Variants in PCDHGA6 observed in about 807,000 individuals in gnomAD.
PCDHGA6 encodes the protein protocadherin gamma-A6.
PCDHGA6 carries 41 observed loss-of-function variants against 60.6 expected under a neutral mutation model. The observed-to-expected ratio is 0.68, with a 90% CI of 0.53 to 0.88. The LOEUF (loss-of-function observed/expected upper bound fraction) is 0.88. Among genes scored for constraint, PCDHGA6 ranks in the 40% least tolerant of loss-of-function variants. The pLI, the probability that PCDHGA6 is intolerant of heterozygous loss-of-function variation, is 0.00. For missense variants in PCDHGA6, 1,312 were observed against 1,203.0 expected (o/e 1.09, Z -1.34); for synonymous variants, 594 against 524.4 (o/e 1.13, Z -1.81).
chr5:141,385,241 G>A lies in PCDHGA6; in HGVS notation c.2424+8734G>A, dbSNP rs749708848. ...CCCAACTATGTAGACATGCTCATCA[G>A]CCAGGAGAGCTGTGAGAAAAATGAT... On this transcript the variant is annotated intron_variant, in intron 1 of 3. Transcript: ENST00000517434. 9 of 1,613,904 alleles carry A rather than the reference G, an allele frequency of 5.6e-6. No homozygotes were observed. The Admixed American group carries it at 1.5e-4, about 27-fold the overall frequency.
At chr5:141,427,869 AC>A in intron 1 of PCDHGA6, 1 of 1,559,604 alleles carries the variant, frequency 6.4e-7, no homozygotes, top group Non-Finnish European at 8.8e-7. Context: ...CTTCGAGCTC[AC>A]GATGCAGGCC....
chr5:141,390,528 G>T (rs1438036547), intron 1 of PCDHGA6: 1 of 537,820 alleles, frequency 1.9e-6, no homozygotes, highest in Non-Finnish European at 3.3e-6. Context: ...TGAGGGTGTG[G>T]TTTTAACCAC....
rs111458813 is a variant in PCDHGA6 at position 141,483,648 on chromosome 5, TTG to T, written c.2425-11139_2425-11138del. Among the ~76,000 whole-genome samples, 82 of 149,502 alleles carry T rather than the reference TTG, an allele frequency of 5.5e-4. 1 individual carries two copies. The highest frequency in any genetic ancestry group is 2.5e-3 in the Admixed American group (37 of 14,990). Reference sequence around the variant, plus strand: ...GGAGAAGGTATAGAGGGGTGTGTGTTTGTGTGTGTGTGTGTGTGTGTAAAAGA... The same window carrying T: ...GGAGAAGGTATAGAGGGGTGTGTGTTTGTGTGTGTGTGTGTGTGTAAAAGA... On this transcript the variant is annotated intron_variant, in intron 1 of 3. Transcript: ENST00000517434.
intron 1 of PCDHGA6, chr5:141,385,358 T>G: frequency 6.5e-7 from 1 of 1,546,418 alleles, no homozygotes; most frequent in South Asian, 1.3e-5. Context: ...CCATGAGGAA[T>G]TTATTTGCAT....
At chr5:141,497,665 G>A (rs1011161465) in intron 2 of PCDHGA6, among the ~76,000 whole-genome samples, 3 of 151,348 alleles carry the variant, frequency 2.0e-5, no homozygotes, top group South Asian at 2.1e-4. Flanking sequence ...TCAGCCTCCC[G>A]AGTAGCTGGG....
rs368512862 is a variant in PCDHGA6 at position 141,491,734 on chromosome 5, G to T, written c.2425-3073G>T. ...CTCGGCGCCGCCCCGGGCGACCCCT[G>T]GGGGCGGCACTGGAGAAGCCGCCCG... On this transcript the variant is annotated intron_variant, in intron 1 of 3. Transcript: ENST00000517434. The surrounding 1 kb of genome is among the most constrained non-coding windows in gnomAD (Gnocchi z 6.9). 2.5e-4 allele frequency: 403 copies of T among 1,602,056 alleles called. No individual in the cohort carries two copies. Among genetic ancestry groups the T allele is most frequent in the Non-Finnish European group, 3.2e-4 (380 of 1,174,948 alleles).
At chr5:141,465,979 G>C (rs779605313) in intron 1 of PCDHGA6, among the ~76,000 whole-genome samples, 26 of 151,846 alleles carry the variant, frequency 1.7e-4, no homozygotes, top group Non-Finnish European at 3.8e-4. Flanking sequence ...AAAATTAGCC[G>C]GGCATGGTGG....
intron 1 of PCDHGA6, among the ~76,000 whole-genome samples, chr5:141,472,001 G>A (rs992798148): frequency 1.1e-4 from 17 of 152,022 alleles, no homozygotes; most frequent in East Asian, 3.9e-4. Context: ...TCCCTGCATC[G>A]TATAGGGGCA....
intron 2 of PCDHGA6, among the ~76,000 whole-genome samples, chr5:141,501,236 G>T (rs571684337): frequency 5.5e-4 from 83 of 150,782 alleles, no homozygotes; most frequent in African/African-American, 2.0e-3. Context: ...TCAGTTTTTT[G>T]AGCATGATGT....
intron 1 of PCDHGA6, among the ~76,000 whole-genome samples, chr5:141,382,076 G>T (rs185685959): frequency 6.6e-6 from 1 of 152,032 alleles, no homozygotes; most frequent in Non-Finnish European, 1.5e-5. Context: ...TGATCCGCCC[G>T]CCTCGGCCTC....
chr5:141,405,165 C>T (rs745998723), intron 1 of PCDHGA6: 1 of 1,614,096 alleles, frequency 6.2e-7, no homozygotes, highest in Admixed American at 1.7e-5. Flanking sequence ...GTGCCCACCT[C>T]ACACTTTGTG....
intron 1 of PCDHGA6, among the ~76,000 whole-genome samples, chr5:141,456,544 G>C (rs1020609068): frequency 6.6e-6 from 1 of 152,192 alleles, no homozygotes; most frequent in Non-Finnish European, 1.5e-5. Context: ...AGGGATTGTA[G>C]CCACTCGGGG....
chr5:141,417,023 T>C (rs2096074487), intron 1 of PCDHGA6: 1 of 139,106 alleles, frequency 7.2e-6, no homozygotes, highest in South Asian at 2.3e-4. Flanking sequence ...TTTTGAAAAA[T>C]ACAGGTTTTT....
intron 1 of PCDHGA6, among the ~76,000 whole-genome samples, chr5:141,457,005 A>T (rs2098903361): frequency 6.6e-6 from 1 of 152,146 alleles, no homozygotes; most frequent in Admixed American, 6.5e-5. Flanking sequence ...TGCATTACTA[A>T]ATCCAATAAA....
At chr5:141,452,016 A>G (rs988436326) in intron 1 of PCDHGA6, among the ~76,000 whole-genome samples, 5 of 152,084 alleles carry the variant, frequency 3.3e-5, no homozygotes, top group Non-Finnish European at 5.9e-5. Flanking sequence ...TCCAGCCCAC[A>G]CTCTGGGGAG....
rs1414795207 is a variant in PCDHGA6 at position 141,393,033 on chromosome 5, C to T, written c.2424+16526C>T. On this transcript the variant is annotated intron_variant, in intron 1 of 3. Transcript: ENST00000517434. ...TATCGTCTCCAGAGGTAGGACGCAG[C>T]TCTTTGCTCTGAACCCGCGCAGCGG... is the stretch of plus-strand genomic sequence containing the variant. 4.3e-6 allele frequency: 7 copies of T among 1,613,782 alleles called. No individual in the cohort carries two copies. The highest frequency in any genetic ancestry group is 4.0e-5 in the African/African-American group (3 of 75,052).
At chr5:141,450,565 C>T (rs1024229182) in intron 1 of PCDHGA6, among the ~76,000 whole-genome samples, 2 of 152,016 alleles carry the variant, frequency 1.3e-5, no homozygotes, top group Non-Finnish European at 2.9e-5. Context: ...CGGCTCACTG[C>T]AACTTCTGCC....
intron 1 of PCDHGA6, chr5:141,389,481 C>G (rs372276550): frequency 3.7e-5 from 60 of 1,612,962 alleles, no homozygotes; most frequent in African/African-American, 8.0e-5. Flanking sequence ...ACTGCAGGCC[C>G]GCGACCAGGG....
intron 1 of PCDHGA6, among the ~76,000 whole-genome samples, chr5:141,474,193 A>C (rs2099345142): frequency 6.6e-6 from 1 of 152,256 alleles, no homozygotes. Context: ...TACATTTTTA[A>C]AAGCTGATTT....
Sources: allele counts gnomAD v4.1 joint callset (sites outside exome capture counted in the v4.1 genomes callset), GRCh38; gene constraint gnomAD v4.1.1; non-coding constraint Gnocchi (gnomAD v3.1); transcripts MANE v1.5; gene names NCBI Gene and HGNC (gene_info 2026-07-23, HGNC 2026-07-21).